Variants in CDC7 observed in about 807,000 individuals in gnomAD.
The protein encoded by CDC7 is cell division cycle 7.
CDC7 carries 34 observed loss-of-function variants against 53.5 expected under a neutral mutation model. That is an observed-to-expected ratio of 0.64 (90% CI 0.48 to 0.85). The LOEUF is 0.85. Ranked by LOEUF, CDC7 falls within the 40% of genes least tolerant of loss-of-function variation. The pLI is 0.00. For synonymous variants in CDC7, 211 were observed against 222.8 expected (o/e 0.95, Z 0.47); for missense variants, 594 against 679.7 (o/e 0.87, Z 1.40).
At chr1:91,518,147 A>T (rs1431443170) in intron 10 of CDC7, among the ~76,000 whole-genome samples, 1 of 150,522 alleles carries the variant, frequency 6.6e-6, no homozygotes, top group South Asian at 2.1e-4. Flanking sequence ...AACAGAGAGC[A>T]GATAACCTGG....
At chr1:91,521,763 C>T (rs1156655295) in intron 11 of CDC7, among the ~76,000 whole-genome samples, 3 of 152,112 alleles carry the variant, frequency 2.0e-5, no homozygotes, top group African/African-American at 7.2e-5. Context: ...AAGTTATAAT[C>T]AGGGCCAACA....
rs996283817 is a variant in CDC7, at chr1:91,501,756, G to GC, written c.41dup (p.Ser16PhefsTer5). The GC allele has an allele frequency of 6.2e-7, 1 of 1,613,888 alleles. No homozygotes were observed. The highest frequency in any genetic ancestry group is 1.3e-5 in the African/African-American group (1 of 74,842). ...GGGGATTCAGATGGATGAGCCAATG[G>GC]CTTTTTCTCCCCAGCGTGACCGGTT... On this transcript the variant is annotated frameshift_variant, in exon 2 of 12. Coordinates refer to ENST00000234626, the MANE Select transcript of CDC7 (RefSeq NM_003503.4). LOFTEE classifies it high-confidence loss of function.
At chr1:91,510,447 A>G (rs374491743) in intron 4 of CDC7, among the ~76,000 whole-genome samples, 3 of 152,214 alleles carry the variant, frequency 2.0e-5, no homozygotes, top group Non-Finnish European at 4.4e-5. Context: ...ACTAATGTCT[A>G]TAATCCCTAA....
intron 2 of CDC7, among the ~76,000 whole-genome samples, chr1:91,506,378 C>T (rs1045621433): frequency 6.6e-6 from 1 of 151,896 alleles, no homozygotes; most frequent in African/African-American, 2.4e-5. Context: ...CCTGTCTTTA[C>T]AGACGTAGTT....
intron 2 of CDC7, among the ~76,000 whole-genome samples, chr1:91,505,355 G>A (rs1666929579): frequency 6.6e-6 from 1 of 152,188 alleles, no homozygotes; most frequent in Non-Finnish European, 1.5e-5. Context: ...GAGCACAATA[G>A]TGACAAGGTG....
intron 4 of CDC7, among the ~76,000 whole-genome samples, chr1:91,509,807 C>T (rs1433600505): frequency 6.6e-6 from 1 of 152,136 alleles, no homozygotes; most frequent in African/African-American, 2.4e-5. Flanking sequence ...CCTCACTGTG[C>T]TCCATTTCTT....
intron 2 of CDC7, among the ~76,000 whole-genome samples, chr1:91,503,921 TGTA>T (rs1027052976): frequency 4.4e-4 from 67 of 152,258 alleles, no homozygotes; most frequent in African/African-American, 1.5e-3. Flanking sequence ...ATATTGCTCA[TGTA>T]GTAAATATTC....
chr1:91,517,857 G>T (rs1667650531), intron 10 of CDC7, among the ~76,000 whole-genome samples: 1 of 152,030 alleles, frequency 6.6e-6, no homozygotes, highest in Non-Finnish European at 1.5e-5. Context: ...CAGCACTTTG[G>T]GAGGCCAAGG....
Position 91,508,304 on chromosome 1 carries a change from T to C in CDC7, c.242T>C (p.Val81Ala). 6.2e-7 allele frequency: 1 copy of C among 1,612,160 alleles called. No individual in the cohort carries two copies. Among genetic ancestry groups the C allele is most frequent in the Admixed American group, 1.7e-5 (1 of 59,876 alleles). The change falls in exon 4 of 12, where the codon GTA becomes GCA. Residue 81 changes from valine (V) to alanine (A), a missense_variant. Physicochemically the swap from Val to Ala is moderately conservative, Grantham distance 64 (BLOSUM62 0). Transcript: ENST00000234626. ...TATTTGGCCACAGCACAGTTACAAG[T>C]AGGACCTGAAGAGAAAATTGCTCTA... ...SVYLATAQLQVGPEEKIALKH... is the reference protein window; with the variant it reads ...SVYLATAQLQAGPEEKIALKH...
intron 10 of CDC7, among the ~76,000 whole-genome samples, chr1:91,517,180 C>T (rs1317413855): frequency 6.6e-6 from 1 of 152,100 alleles, no homozygotes; most frequent in African/African-American, 2.4e-5. Context: ...GGACTATATA[C>T]TGTAGATATT....
intron 10 of CDC7, among the ~76,000 whole-genome samples, chr1:91,519,617 CA>C (rs886828697): frequency 3.3e-5 from 5 of 151,866 alleles, no homozygotes; most frequent in African/African-American, 7.3e-5. Context: ...TTCACAGTCA[CA>C]AAAAAATAAA....
intron 11 of CDC7, among the ~76,000 whole-genome samples, chr1:91,523,160 A>G (rs576447932): frequency 6.6e-5 from 10 of 152,310 alleles, no homozygotes; most frequent in Non-Finnish European, 1.2e-4. Context: ...ATGTGTGCCA[A>G]GTACTATTGC....
chr1:91,503,760 C>T (rs1023405476), intron 2 of CDC7, among the ~76,000 whole-genome samples: 2 of 152,060 alleles, frequency 1.3e-5, no homozygotes, highest in African/African-American at 4.8e-5. Flanking sequence ...CCACTGTTGA[C>T]ATTTTGTTAT....
Position 91,515,003 on chromosome 1 carries a change from G to T in CDC7, c.1097+6G>T, listed in dbSNP as rs979047910. 6.2e-7 allele frequency: 1 copy of T among 1,604,484 alleles called. No individual in the cohort carries two copies. ...TGTAGTATTTGCCTTTCAAGGTAAT[G>T]TGTTTTGATGGTGTTATAAAATCAC... On this transcript the variant is annotated splice_donor_region_variant and intron_variant, in intron 9 of 11. Transcript: ENST00000234626.
intron 9 of CDC7, among the ~76,000 whole-genome samples, 169 bp downstream of exon 9, chr1:91,515,166 ATATAT>A (rs904336895): frequency 2.2e-4 from 33 of 152,330 alleles, no homozygotes; most frequent in African/African-American, 7.9e-4. Flanking sequence ...AACAGTTTTC[ATATAT>A]TATTTATTTA....
At chr1:91,516,159 G>C (rs781216327) in intron 10 of CDC7, among the ~76,000 whole-genome samples, 1 of 150,666 alleles carries the variant, frequency 6.6e-6, no homozygotes, top group African/African-American at 2.4e-5. Context: ...AAATAAATAC[G>C]CAAAATGTAA....
intron 2 of CDC7, among the ~76,000 whole-genome samples, chr1:91,504,037 A>G (rs1037478876): frequency 6.6e-6 from 1 of 151,458 alleles, no homozygotes; most frequent in Non-Finnish European, 1.5e-5. Flanking sequence ...ATTAAGAAAA[A>G]TGCTGTAATG....
At chr1:91,510,583 T>A (rs1232830408) in intron 4 of CDC7, among the ~76,000 whole-genome samples, 1 of 152,208 alleles carries the variant, frequency 6.6e-6, no homozygotes, top group East Asian at 1.9e-4. Context: ...TACATTCTTG[T>A]ACCCTAAATA....
intron 2 of CDC7, among the ~76,000 whole-genome samples, chr1:91,505,227 A>G (rs781132281): frequency 3.9e-5 from 6 of 152,176 alleles, no homozygotes; most frequent in Non-Finnish European, 5.9e-5. Context: ...TGTGCCTAGC[A>G]TTCAAGAATA....
Sources: gnomAD v4.1 joint callset for allele counts (sites outside exome capture counted in the v4.1 genomes callset) on GRCh38, gnomAD v4.1.1 for gene constraint, MANE v1.5 for transcripts, NCBI Gene and HGNC (gene_info 2026-07-23, HGNC 2026-07-21) for gene names.